The following TPTE variants were observed in gnomAD, a reference collection of about 807,000 sequenced individuals.
TPTE encodes the protein transmembrane phosphatase with tensin homology.
In TPTE, 59 loss-of-function variants were observed where a neutral mutation model predicts 84.1. That is an observed-to-expected ratio of 0.70 (90% CI 0.57 to 0.87). TPTE has a LOEUF of 0.87. Among genes scored for constraint, TPTE ranks in the 40% least tolerant of loss-of-function variants. The pLI is 0.00. For missense variants in TPTE, 382 were observed against 659.6 expected (o/e 0.58, Z 4.61); for synonymous variants, 130 against 223.5 (o/e 0.58, Z 3.73).
chr21:10,538,857 T>G, intron 4 of TPTE, 123 bp downstream of exon 4: 1 of 1,599,348 alleles, frequency 6.3e-7, no homozygotes, highest in Non-Finnish European at 8.6e-7. Flanking sequence ...CGTACACACT[T>G]CTCTCAAACA....
At chr21:10,600,899 C>T (rs1600990309) in intron 21 of TPTE, among the ~76,000 whole-genome samples, 1 of 152,430 alleles carries the variant, frequency 6.6e-6, no homozygotes, top group Non-Finnish European at 1.5e-5. Context: ...CATTGACAAA[C>T]ACAAGAGTTC....
At chr21:10,552,444 C>T (rs2074593736) in intron 7 of TPTE, among the ~76,000 whole-genome samples, 1 of 152,298 alleles carries the variant, frequency 6.6e-6, no homozygotes, top group Non-Finnish European at 1.5e-5. Flanking sequence ...TAAAAATATG[C>T]AAAATTCAGT....
intron 3 of TPTE, among the ~76,000 whole-genome samples, chr21:10,531,298 T>G (rs1206419427): frequency 6.6e-6 from 1 of 152,302 alleles, no homozygotes; most frequent in Non-Finnish European, 1.5e-5. Flanking sequence ...TGAGGGTGAG[T>G]GAGTACTCAC....
intron 10 of TPTE, among the ~76,000 whole-genome samples, chr21:10,564,768 G>A (rs2074883471): frequency 6.6e-6 from 1 of 152,274 alleles, no homozygotes; most frequent in Non-Finnish European, 1.5e-5. Context: ...CATTTCAGTT[G>A]ATGCTGAAAA....
intron 10 of TPTE, among the ~76,000 whole-genome samples, chr21:10,564,871 A>G (rs1239169352): frequency 2.0e-5 from 3 of 152,310 alleles, no homozygotes; most frequent in Non-Finnish European, 4.4e-5. Context: ...AAAACCATAT[A>G]TGACAGACCC....
rs12626375 is a variant in TPTE at position 10,590,337 on chromosome 21, C to T, written c.1028-125C>T. The stretch of plus-strand genomic sequence containing the variant: ...GATTGTGCCACTGCACTCCAGCCTG[C>T]GTGACACAGCAAGACCCTGTCTCAA... On this transcript the variant is annotated intron_variant, in intron 17 of 23. Transcript: ENST00000618007. 1.2e-3 allele frequency: 1,869 copies of T among 1,523,136 alleles called. No homozygotes were observed. The Admixed American group carries it at 0.015, about 13-fold the overall frequency. The allele number at this position is 1,523,136 out of a possible 1,614,324, so 94.4% of individuals were successfully genotyped here.
chr21:10,596,549 C>G (rs2075592727), intron 20 of TPTE, among the ~76,000 whole-genome samples: 1 of 152,308 alleles, frequency 6.6e-6, no homozygotes, highest in African/African-American at 2.4e-5. Context: ...TCACCCTGGG[C>G]TCTCCCTTTC....
At chr21:10,559,595 T>C (rs2074752997) in intron 9 of TPTE, 51 bp downstream of exon 9, 1 of 1,611,504 alleles carries the variant, frequency 6.2e-7, no homozygotes, top group Non-Finnish European at 8.5e-7. Context: ...GAGACTTGGC[T>C]GGGCACGGTG....
At chr21:10,562,549 T>A (rs551276887) in intron 10 of TPTE, among the ~76,000 whole-genome samples, 1,184 of 151,944 alleles carry the variant, frequency 7.8e-3, no homozygotes, top group Non-Finnish European at 0.013. Flanking sequence ...TTCTATTAGA[T>A]AAGTTTAACA....
intron 15 of TPTE, among the ~76,000 whole-genome samples, 156 bp downstream of exon 15, chr21:10,577,676 G>C (rs2075185358): frequency 6.6e-6 from 1 of 152,312 alleles, no homozygotes; most frequent in African/African-American, 2.4e-5. Flanking sequence ...GCCCCATTTA[G>C]TAGAAGGAGT....
At chr21:10,538,572 A>C in intron 3 of TPTE, 109 bp from the exon 4 acceptor site, 2 of 1,516,772 alleles carry the variant, frequency 1.3e-6, no homozygotes, top group Non-Finnish European at 9.1e-7. Flanking sequence ...ACACATGAAT[A>C]GTCAGAACTT....
At chr21:10,574,202 T>C (rs1281220556) in intron 14 of TPTE, among the ~76,000 whole-genome samples, 1 of 152,304 alleles carries the variant, frequency 6.6e-6, no homozygotes. Context: ...AAAGGATCAT[T>C]GTTTAATTTT....
intron 23 of TPTE, 44 bp from the exon 24 acceptor site, chr21:10,605,373 A>C: frequency 6.2e-7 from 1 of 1,602,034 alleles, no homozygotes; most frequent in East Asian, 2.2e-5. Context: ...GTGGCTTTTC[A>C]GTGAGCCCCA....
chr21:10,528,952 TGAGGCA>T (rs1159101488), intron 3 of TPTE, among the ~76,000 whole-genome samples: 1 of 152,306 alleles, frequency 6.6e-6, no homozygotes, highest in Non-Finnish European at 1.5e-5. Context: ...TTTGGGAGGC[TGAGGCA>T]GGTGGACCAC....
chr21:10,605,359 C>T (rs1237517825), intron 23 of TPTE, 58 bp from the exon 24 acceptor site: 2 of 1,593,344 alleles, frequency 1.3e-6, no homozygotes, highest in East Asian at 2.3e-5. Context: ...GGGTACCCAA[C>T]TGTGTGGCTT....
intron 3 of TPTE, among the ~76,000 whole-genome samples, chr21:10,532,117 A>C (rs1209921547): frequency 2.0e-5 from 3 of 152,310 alleles, no homozygotes; most frequent in Non-Finnish European, 4.4e-5. Flanking sequence ...TATTCTAAAA[A>C]ATTTTGAAAA....
intron 3 of TPTE, among the ~76,000 whole-genome samples, chr21:10,530,635 G>A (rs570209635): frequency 6.6e-6 from 1 of 152,426 alleles, no homozygotes; most frequent in South Asian, 2.1e-4. Context: ...TTATCCTTAT[G>A]CCAGACCCCT....
intron 8 of TPTE, among the ~76,000 whole-genome samples, chr21:10,558,751 C>A (rs1343406956): frequency 3.5e-5 from 5 of 143,172 alleles, no homozygotes; most frequent in African/African-American, 5.2e-5. Flanking sequence ...CTGAAGCCTC[C>A]TGTGTTGGAG....
At chr21:10,601,031 C>T (rs551631066) in intron 21 of TPTE, among the ~76,000 whole-genome samples, 371 of 151,790 alleles carry the variant, frequency 2.4e-3, no homozygotes, top group African/African-American at 8.4e-3. Flanking sequence ...AATAAAAAAC[C>T]GTGATAAGTT....
Sources: allele counts gnomAD v4.1 joint callset (sites outside exome capture counted in the v4.1 genomes callset), GRCh38; gene constraint gnomAD v4.1.1; transcripts MANE v1.5; gene names NCBI Gene and HGNC (gene_info 2026-07-23, HGNC 2026-07-21).